Variants in PLOD1 observed in about 807,000 individuals in gnomAD.
The protein encoded by PLOD1 is procollagen-lysine,2-oxoglutarate 5-dioxygenase 1.
In PLOD1, 70 loss-of-function variants were observed where a neutral mutation model predicts 94.7. The ratio of observed to expected loss-of-function variants is 0.74; its 90% CI spans 0.61 to 0.90. The LOEUF (loss-of-function observed/expected upper bound fraction) is 0.90, where lower values mean the gene tolerates loss of function less well. Among genes scored for constraint, PLOD1 ranks in the 40% least tolerant of loss-of-function variants. The pLI is 0.00. For synonymous variants in PLOD1, 417 were observed against 400.2 expected, an observed-to-expected ratio of 1.04 and a Z score of -0.50; for missense variants, 905 against 972.7, an observed-to-expected ratio of 0.93 and a Z score of 0.93.
intron 6 of PLOD1, 88 bp downstream of exon 6, chr1:11,954,981 G>GCCAGAAAGAA: frequency 1.9e-6 from 2 of 1,053,262 alleles, no homozygotes; most frequent in Non-Finnish European, 3.0e-6. Flanking sequence ...AGGAGAAATG[G>GCCAGAAAGAA]GCTGCTTCTT....
chr1:11,967,597 G>GAAATATATATAGATTTTATTTATA (rs1553136679), intron 16 of PLOD1, among the ~76,000 whole-genome samples: 1 of 59,780 alleles, frequency 1.7e-5, no homozygotes, highest in Admixed American at 1.6e-4. Context: ...GTGTGTGTGT[G>GAAATATATATAGATTTTATTTATA]TATATATATA....
intron 1 of PLOD1, among the ~76,000 whole-genome samples, chr1:11,943,918 GGTTA>G (rs1415304691): frequency 2.0e-5 from 3 of 152,114 alleles, no homozygotes; most frequent in Non-Finnish European, 2.9e-5. Context: ...GAAAGTCGGG[GGTTA>G]GTATGTGTGA....
chr1:11,942,463 G>A (rs564731697), intron 1 of PLOD1, among the ~76,000 whole-genome samples: 3 of 152,330 alleles, frequency 2.0e-5, no homozygotes, highest in Non-Finnish European at 4.4e-5. Context: ...AAGACTGCAC[G>A]TGCAAAGGAG....
chr1:11,941,467 G>GATTATTATTT (rs531153063), intron 1 of PLOD1, among the ~76,000 whole-genome samples: 43 of 141,898 alleles, frequency 3.0e-4, no homozygotes, highest in Middle Eastern at 3.8e-3. Context: ...AAGTAGCTGG[G>GATTATTATTT]ATTATTATTA....
chr1:11,954,486 CAA>C (rs915288980), intron 5 of PLOD1: 1 of 550,184 alleles, frequency 1.8e-6, no homozygotes, highest in African/African-American at 1.9e-5. Context: ...AACTCTTTCT[CAA>C]AAAAAAGAAT....
chr1:11,965,095 G>A (rs1645806306), intron 13 of PLOD1, among the ~76,000 whole-genome samples: 1 of 151,372 alleles, frequency 6.6e-6, no homozygotes, highest in Non-Finnish European at 1.5e-5. Flanking sequence ...TCCAAGTGAT[G>A]TGCCCGAGAG....
At chr1:11,949,609 A>G (rs1385587730) in intron 2 of PLOD1, among the ~76,000 whole-genome samples, 164 bp from the exon 3 acceptor site, 2 of 152,116 alleles carry the variant, frequency 1.3e-5, no homozygotes, top group Non-Finnish European at 2.9e-5. Flanking sequence ...TAGTAGAGAC[A>G]GGGTTTCGCC....
chr1:11,957,467 C>T lies in PLOD1; in HGVS notation c.742-375C>T, dbSNP rs1297782458. Among the ~76,000 whole-genome samples the T allele has an allele frequency of 2.0e-5, 3 of 152,158 alleles. No homozygotes were observed. Among genetic ancestry groups the T allele is most frequent in the South Asian group, 2.1e-4 (1 of 4,834 alleles). On this transcript the variant is annotated intron_variant, in intron 7 of 18. Transcript: ENST00000196061. This position sits in a 1 kb window ranked among gnomAD's most constrained non-coding sequence, Gnocchi z 4.1. ...CTCACTGGTCCCTGGGGAACTGGCTCATAGCTCATAGCATATTTGAGTGTG... is the reference window on the plus strand; with the variant it reads ...CTCACTGGTCCCTGGGGAACTGGCTTATAGCTCATAGCATATTTGAGTGTG...
intron 1 of PLOD1, among the ~76,000 whole-genome samples, chr1:11,941,503 G>A (rs985884796): frequency 6.9e-6 from 1 of 145,724 alleles, no homozygotes; most frequent in Non-Finnish European, 1.5e-5. Context: ...TTTTTGAGAT[G>A]GAGTTTCACT....
intron 1 of PLOD1, among the ~76,000 whole-genome samples, chr1:11,945,273 G>C (rs1477770387): frequency 2.0e-5 from 3 of 152,010 alleles, no homozygotes; most frequent in African/African-American, 4.8e-5. Context: ...ATTTAGCTGG[G>C]CTTGGTGGGG....
At chr1:11,974,113 G>A (rs903807418) in intron 18 of PLOD1, among the ~76,000 whole-genome samples, 4 of 151,962 alleles carry the variant, frequency 2.6e-5, no homozygotes, top group African/African-American at 9.7e-5. Context: ...TGAAGCTCAG[G>A]TTGGTCACAG....
chr1:11,964,331 G>GGGGC, intron 12 of PLOD1, 31 bp downstream of exon 12: 1 of 1,456,162 alleles, frequency 6.9e-7, no homozygotes, highest in Non-Finnish European at 9.6e-7. Context: ...GGTGGGTGGG[G>GGGGC]GACACCTTCA....
At chr1:11,971,065 G>C in intron 17 of PLOD1, among the ~76,000 whole-genome samples, 1 of 62,666 alleles carries the variant, frequency 1.6e-5, no homozygotes, top group East Asian at 4.4e-4. Context: ...GTGGAGAGGA[G>C]TAGGGAGCCT....
intron 16 of PLOD1, 80 bp from the exon 17 acceptor site, chr1:11,970,590 C>G (rs1015842508): frequency 3.6e-5 from 48 of 1,343,406 alleles, no homozygotes; most frequent in Admixed American, 1.1e-4. Context: ...GTCACATTCC[C>G]GGGTGTAGGA....
At position 11,957,965 on chromosome 1, in the gene PLOD1, T is replaced by G; in HGVS notation, c.843+22T>G. On this transcript the variant is annotated intron_variant, in intron 8 of 18. Coordinates refer to ENST00000196061, the MANE Select transcript of PLOD1 (RefSeq NM_000302.4). This position sits in a 1 kb window ranked among gnomAD's most constrained non-coding sequence, Gnocchi z 4.1. ...TGGGGTGAGGCTGCGCCCAGGCCTG[T>G]GCCTGAGGGACACGGGGGGCTCAGT... 9 of 1,456,406 alleles carry G rather than the reference T, an allele frequency of 6.2e-6. No individual in the cohort carries two copies. The highest frequency in any genetic ancestry group is 8.7e-6 in the Non-Finnish European group (9 of 1,035,988). The allele number at this position is 1,456,406 out of a possible 1,614,324, so 90.2% of individuals were successfully genotyped here. A position where few individuals can be genotyped will look rare whatever the true frequency, so the allele number is the denominator to read the frequency against.
Position 11,972,912 on chromosome 1 carries a change from A to T in PLOD1, c.1943A>T (p.Asp648Val), listed in dbSNP as rs1480446843. ...GCCTTTGTCGTCCGCTACAAGCCTG[A>T]TGAGCAGCCCTCACTGATGCCACAC... ...DLAFVVRYKP[D>V]EQPSLMPHHD... The change falls in exon 18 of 19, where the codon GAT (aspartate) becomes GTT (valine). Residue 648 changes from aspartate to valine, a missense_variant. Asp to Val is a radical substitution (Grantham distance 152). Transcript: ENST00000196061. This position sits in a 1 kb window ranked among gnomAD's most constrained non-coding sequence, Gnocchi z 4.6. 6.2e-7 allele frequency: 1 copy of T among 1,614,062 alleles called. No individual in the cohort carries two copies. The highest frequency in any genetic ancestry group is 1.7e-5 in the Admixed American group (1 of 59,992).
At position 11,945,553 on chromosome 1, in the gene PLOD1, A is replaced by AGCAAGGGAGAG. The variant is rs370881426; in HGVS notation, c.77-2423_77-2422insGCAAGGGAGAG. Among the ~76,000 whole-genome samples the AGCAAGGGAGAG allele has an allele frequency of 2.5e-3, 385 of 152,024 alleles. 2 individuals are homozygous for AGCAAGGGAGAG. Among genetic ancestry groups the AGCAAGGGAGAG allele is most frequent in the African/African-American group, 9.1e-3 (376 of 41,484 alleles). The stretch of plus-strand genomic sequence containing the variant: ...CTTGCATGATCCCTTGCATGGGAGG[A>AGCAAGGGAGAG]ACCCAGCAAGGAGAGACCCCCTCCA... On this transcript the variant is annotated intron_variant, in intron 1 of 18. Coordinates refer to ENST00000196061, the MANE Select transcript of PLOD1 (RefSeq NM_000302.4).
chr1:11,950,943 A>G (rs1232373869), intron 4 of PLOD1, among the ~76,000 whole-genome samples: 1 of 152,026 alleles, frequency 6.6e-6, no homozygotes, highest in Non-Finnish European at 1.5e-5. Context: ...ACAGGCATGC[A>G]CCACTATGCC....
In PLOD1 at chr1:11,934,796, T is replaced by A; in HGVS notation, c.17T>A (p.Leu6Gln). MRPLL[L>Q]LALLGWLLLA... ...ACCTCGGCCATGCGGCCCCTGCTGC[T>A]ACTGGCCCTGCTGGGCTGGCTGCTG... Residue 6 changes from leucine to glutamine, a missense_variant, in exon 1 of 19, where the codon CTA (leucine) becomes CAA (glutamine). By Grantham distance (113) the Leu-to-Gln change is moderately radical. Transcript: ENST00000196061. 1 of 1,540,342 alleles carries A rather than the reference T, an allele frequency of 6.5e-7. No individual in the cohort carries two copies. The highest frequency in any genetic ancestry group is 8.7e-7 in the Non-Finnish European group (1 of 1,145,966).
Sources: gnomAD v4.1 joint callset for allele counts (sites outside exome capture counted in the v4.1 genomes callset) on GRCh38, gnomAD v4.1.1 for gene constraint, Gnocchi (gnomAD v3.1) non-coding constraint, MANE v1.5 for transcripts, NCBI Gene and HGNC (gene_info 2026-07-23, HGNC 2026-07-21) for gene names.